TMEM117: variants seen among roughly 807,000 people sequenced by gnomAD.
TMEM117 encodes transmembrane protein 117.
TMEM117 carries 27 observed loss-of-function variants against 52.4 expected under a neutral mutation model. That is an observed-to-expected ratio of 0.51 (90% confidence interval 0.38 to 0.71). TMEM117 has a LOEUF of 0.71. TMEM117 is among the 30% of genes least tolerant of loss of function. The pLI is 0.00. For missense variants in TMEM117, 556 were observed against 630.5 expected, an observed-to-expected ratio of 0.88 and a Z score of 1.26; for synonymous variants, 215 against 206.3, an observed-to-expected ratio of 1.04 and a Z score of -0.36.
intron 3 of TMEM117, among the ~76,000 whole-genome samples, chr12:44,076,965 C>A (rs1254718668): frequency 2.6e-5 from 4 of 152,152 alleles, no homozygotes; most frequent in Non-Finnish European, 5.9e-5. Flanking sequence ...GTCTGCAGAG[C>A]CTGCCAGGGA....
At chr12:44,379,366 C>T (rs1951988682) in intron 7 of TMEM117, among the ~76,000 whole-genome samples, 5 of 151,920 alleles carry the variant, frequency 3.3e-5, no homozygotes, top group Admixed American at 3.3e-4. Context: ...AAAAAATAAG[C>T]TAAAATAGGG....
At chr12:44,001,703 G>A (rs993062285) in intron 3 of TMEM117, among the ~76,000 whole-genome samples, 2 of 151,970 alleles carry the variant, frequency 1.3e-5, no homozygotes, top group East Asian at 3.9e-4. Context: ...AGGAGAGAGA[G>A]TGGCTATCAT....
intron 5 of TMEM117, among the ~76,000 whole-genome samples, chr12:44,253,264 AC>A (rs1466562935): frequency 6.6e-6 from 1 of 152,244 alleles, no homozygotes; most frequent in Non-Finnish European, 1.5e-5. Context: ...AAAAATTAAA[AC>A]ATTATGTTAC....
chr12:44,108,513 T>C (rs1421578300), intron 3 of TMEM117, among the ~76,000 whole-genome samples: 13 of 91,692 alleles, frequency 1.4e-4, no homozygotes, highest in Non-Finnish European at 2.3e-4. Context: ...ATTTCATCCA[T>C]GTCCCTACAA....
chr12:44,219,598 G>T (rs1949762154), intron 5 of TMEM117, among the ~76,000 whole-genome samples: 1 of 152,058 alleles, frequency 6.6e-6, no homozygotes, highest in Admixed American at 6.6e-5. Context: ...TATCTTCAGG[G>T]TTTTCAGGGG....
chr12:43,802,211 C>T, the TMEM117 span: 12 of 1,002,848 alleles, frequency 1.2e-5, no homozygotes, highest in Admixed American at 1.8e-4. Flanking sequence ...GTTTTTTAAC[C>T]TTTATTTGAC....
intron 5 of TMEM117, chr12:44,244,561 A>G: frequency 6.6e-6 from 1 of 151,794 alleles, no homozygotes; most frequent in Non-Finnish European, 1.5e-5. Context: ...TTTTCTTAAT[A>G]TTGAATAGTT....
chr12:43,845,347 G>A (rs1356152518), intron 2 of TMEM117, among the ~76,000 whole-genome samples: 1 of 151,180 alleles, frequency 6.6e-6, no homozygotes, highest in African/African-American at 2.4e-5. Context: ...TGTAATCCCA[G>A]CTACTTGAGA....
At chr12:44,394,196 T>A (rs1387483832), downstream of TMEM117, among the ~76,000 whole-genome samples, 2 of 152,236 alleles carry the variant, frequency 1.3e-5, no homozygotes, top group Non-Finnish European at 2.9e-5. Flanking sequence ...CATGAAGATG[T>A]TTCCCTTGAC....
chr12:43,819,266 A>T, the TMEM117 span, among the ~76,000 whole-genome samples: 1 of 152,172 alleles, frequency 6.6e-6, no homozygotes, highest in Non-Finnish European at 1.5e-5. Flanking sequence ...AAAAAGAGTG[A>T]AGGCCTCCAC....
chr12:43,916,040 A>C (rs1944597772), intron 2 of TMEM117, among the ~76,000 whole-genome samples: 1 of 152,044 alleles, frequency 6.6e-6, no homozygotes, highest in Non-Finnish European at 1.5e-5. Context: ...GCAAGAAAAA[A>C]GTGGGGGATA....
intron 2 of TMEM117, among the ~76,000 whole-genome samples, chr12:43,940,305 C>A (rs1945023643): frequency 6.6e-6 from 1 of 152,218 alleles, no homozygotes; most frequent in African/African-American, 2.4e-5. Context: ...TCCTCTGAGA[C>A]TCTTTAGTGT....
rs142990811 is a variant in TMEM117, at chr12:44,255,388, T to C, written c.608+44001T>C. On this transcript the variant is annotated intron_variant, in intron 5 of 7. Coordinates refer to ENST00000266534, the MANE Select transcript of TMEM117 (RefSeq NM_032256.3). Reference sequence around the variant, plus strand: ...CAAAAAACACATGAAAAAATGCTCATCATCACTGGCCATCAGAGAAATGCA... The same window carrying C: ...CAAAAAACACATGAAAAAATGCTCACCATCACTGGCCATCAGAGAAATGCA... 2.3e-3 allele frequency among the ~76,000 whole-genome samples: 353 copies of C among 152,206 alleles called. 12 individuals carry two copies. The East Asian group carries it at 0.035, about 15-fold the overall frequency.
intron 3 of TMEM117, among the ~76,000 whole-genome samples, chr12:44,106,783 A>G (rs1024638525): frequency 3.9e-5 from 6 of 152,028 alleles, no homozygotes; most frequent in Non-Finnish European, 7.4e-5. Flanking sequence ...AGTATTTCAC[A>G]TGTGGAATAA....
chr12:44,168,577 G>A (rs562350463), intron 4 of TMEM117, among the ~76,000 whole-genome samples: 1 of 152,080 alleles, frequency 6.6e-6, no homozygotes, highest in South Asian at 2.1e-4. Context: ...TCTTTCTTGT[G>A]TCGGGCTATT....
chr12:44,107,873 G>A (rs965162765), intron 3 of TMEM117, among the ~76,000 whole-genome samples: 1 of 152,158 alleles, frequency 6.6e-6, no homozygotes, highest in African/African-American at 2.4e-5. Flanking sequence ...TGCAGTCATT[G>A]TGGAACAGGG....
At chr12:44,342,872 T>C (rs769314378) in intron 6 of TMEM117, among the ~76,000 whole-genome samples, 3 of 152,110 alleles carry the variant, frequency 2.0e-5, no homozygotes, top group African/African-American at 4.8e-5. Context: ...GGTTTGTTTT[T>C]GTTTTTGTTT....
chr12:44,310,425 G>A (rs1375551334), intron 6 of TMEM117, among the ~76,000 whole-genome samples: 1 of 152,186 alleles, frequency 6.6e-6, no homozygotes. Flanking sequence ...GATCACCTGA[G>A]GTCGGGAGTT....
At chr12:44,254,832 C>CG (rs1244075200) in intron 5 of TMEM117, among the ~76,000 whole-genome samples, 1 of 151,856 alleles carries the variant, frequency 6.6e-6, no homozygotes, top group Non-Finnish European at 1.5e-5. Flanking sequence ...CAACAGTACC[C>CG]GGAGTGTGAT....
Sources: allele counts gnomAD v4.1 joint callset (sites outside exome capture counted in the v4.1 genomes callset), GRCh38; gene constraint gnomAD v4.1.1; transcripts MANE v1.5; gene names NCBI Gene and HGNC (gene_info 2026-07-23, HGNC 2026-07-21).